Variants in GRM7 observed in about 807,000 individuals in gnomAD.
The protein encoded by GRM7 is glutamate metabotropic receptor 7.
In GRM7, 35 loss-of-function variants were observed where a neutral mutation model predicts 84.5. The observed-to-expected ratio is 0.41, with a 90% CI of 0.32 to 0.55. GRM7 has a LOEUF of 0.55. Among genes scored for constraint, GRM7 ranks in the 20% least tolerant of loss-of-function variants. The pLI, the probability that GRM7 is intolerant of heterozygous loss-of-function variation, is 0.19. For missense variants in GRM7, 1,003 were observed against 1,194.6 expected, an observed-to-expected ratio of 0.84 and a Z score of 2.36; for synonymous variants, 487 against 455.1, an observed-to-expected ratio of 1.07 and a Z score of -0.89.
intron 1 of GRM7, among the ~76,000 whole-genome samples, chr3:7,035,725 C>T (rs1009079409): frequency 6.6e-6 from 1 of 152,100 alleles, no homozygotes; most frequent in Non-Finnish European, 1.5e-5. Flanking sequence ...GCATGTTTAG[C>T]CCAGCTAAGA....
chr3:7,139,589 T>A (rs1396383710), intron 1 of GRM7, among the ~76,000 whole-genome samples: 1 of 151,984 alleles, frequency 6.6e-6, no homozygotes, highest in Non-Finnish European at 1.5e-5. Flanking sequence ...ATGGAATACC[T>A]TATAATAAAT....
intron 1 of GRM7, among the ~76,000 whole-genome samples, chr3:7,093,036 T>A (rs566403177): frequency 6.6e-6 from 1 of 152,070 alleles, no homozygotes; most frequent in African/African-American, 2.4e-5. Flanking sequence ...TGAGCCATGA[T>A]TGGGTAACAG....
chr3:7,585,760 A>G (rs1358767830), intron 8 of GRM7, among the ~76,000 whole-genome samples: 4 of 152,196 alleles, frequency 2.6e-5, no homozygotes, highest in African/African-American at 7.2e-5. Context: ...AAACTGACAC[A>G]TCTCTGTTCC....
At position 7,041,575 on chromosome 3, in the gene GRM7, C is replaced by A. The variant is rs535733529; in HGVS notation, c.520-104877C>A. On this transcript the variant is annotated intron_variant, in intron 1 of 9. Transcript: ENST00000357716. ...TATATTTCTACTATTACAAGTGAAG[C>A]TGTTATAAATATTTATGTCCAGGTC... Among the ~76,000 whole-genome samples the A allele has an allele frequency of 2.6e-5, 4 of 152,302 alleles. No individual in the cohort carries two copies. In the South Asian group the frequency reaches 8.3e-4, roughly 32 times the overall value.
chr3:7,060,390 G>A (rs955731956), intron 1 of GRM7, among the ~76,000 whole-genome samples: 1 of 151,710 alleles, frequency 6.6e-6, no homozygotes, highest in African/African-American at 2.4e-5. Context: ...TGACTGAGTA[G>A]GGGCAGAAAT....
At chr3:7,444,635 G>A (rs1697428161) in intron 5 of GRM7, among the ~76,000 whole-genome samples, 1 of 152,112 alleles carries the variant, frequency 6.6e-6, no homozygotes, top group South Asian at 2.1e-4. Context: ...TAAACATTGA[G>A]ACTGAAACAT....
intron 1 of GRM7, among the ~76,000 whole-genome samples, chr3:6,882,166 G>C (rs1695537430): frequency 6.6e-6 from 1 of 151,862 alleles, no homozygotes; most frequent in African/African-American, 2.4e-5. Context: ...GACCCTAACA[G>C]TTTTACTCTG....
intron 1 of GRM7, among the ~76,000 whole-genome samples, chr3:7,035,484 C>G (rs545416957): frequency 1.3e-5 from 2 of 152,124 alleles, no homozygotes; most frequent in African/African-American, 2.4e-5. Flanking sequence ...AATACTATTT[C>G]AAGGCCTATA....
intron 7 of GRM7, among the ~76,000 whole-genome samples, chr3:7,538,808 T>G (rs1458428637): frequency 6.6e-6 from 1 of 151,910 alleles, no homozygotes; most frequent in African/African-American, 2.4e-5. Flanking sequence ...TCATGGATCT[T>G]GTTATTTCTG....
intron 1 of GRM7, among the ~76,000 whole-genome samples, chr3:7,098,988 A>T (rs947565284): frequency 2.0e-5 from 3 of 151,744 alleles, no homozygotes; most frequent in African/African-American, 7.3e-5. Context: ...GTACTTATGA[A>T]GTTTTAGCAT....
chr3:7,326,969 T>G (rs1480788476), intron 4 of GRM7, among the ~76,000 whole-genome samples: 1 of 152,222 alleles, frequency 6.6e-6, no homozygotes, highest in Non-Finnish European at 1.5e-5. Context: ...TAAATATTTG[T>G]TTAATATCTG....
intron 1 of GRM7, among the ~76,000 whole-genome samples, chr3:6,987,883 CAGA>C: frequency 6.6e-6 from 1 of 152,026 alleles, no homozygotes; most frequent in East Asian, 1.9e-4. Context: ...GAGGCCATTC[CAGA>C]AGAAGAGCAA....
intron 2 of GRM7, among the ~76,000 whole-genome samples, chr3:7,294,679 C>T (rs1208794381): frequency 6.6e-6 from 1 of 152,072 alleles, no homozygotes; most frequent in African/African-American, 2.4e-5. Flanking sequence ...AAAATCTGAC[C>T]ACCTGCAGCA....
At chr3:6,975,205 C>T (rs771821456) in intron 1 of GRM7, among the ~76,000 whole-genome samples, 4 of 152,024 alleles carry the variant, frequency 2.6e-5, no homozygotes, top group African/African-American at 4.8e-5. Context: ...TAAAAATTCC[C>T]AATCGGATAA....
chr3:7,277,795 A>C (rs1459998490), intron 2 of GRM7, among the ~76,000 whole-genome samples: 1 of 152,152 alleles, frequency 6.6e-6, no homozygotes. Context: ...GTGAAGACAA[A>C]GGAAAAATAA....
chr3:7,083,406 A>G (rs1158544407), intron 1 of GRM7, among the ~76,000 whole-genome samples: 1 of 152,150 alleles, frequency 6.6e-6, no homozygotes, highest in Non-Finnish European at 1.5e-5. Flanking sequence ...TACAGTGTGA[A>G]CACAATTTTC....
chr3:7,421,503 G>A (rs1214683471), intron 5 of GRM7, among the ~76,000 whole-genome samples: 1 of 152,022 alleles, frequency 6.6e-6, no homozygotes, highest in African/African-American at 2.4e-5. Flanking sequence ...TATCCCACAT[G>A]GTCCACAGGC....
At chr3:7,479,024 T>TG (rs1699032671) in intron 7 of GRM7, among the ~76,000 whole-genome samples, 2 of 149,636 alleles carry the variant, frequency 1.3e-5, no homozygotes, top group South Asian at 4.2e-4. Flanking sequence ...AAGTCCGGCT[T>TG]GGAAGTCTCT....
chr3:7,405,834 A>G (rs1695651606), intron 4 of GRM7, among the ~76,000 whole-genome samples: 1 of 152,090 alleles, frequency 6.6e-6, no homozygotes, highest in African/African-American at 2.4e-5. Flanking sequence ...CTCATCATCT[A>G]TTCATCACAT....
Sources: gnomAD v4.1 joint callset for allele counts (sites outside exome capture counted in the v4.1 genomes callset) on GRCh38, gnomAD v4.1.1 for gene constraint, MANE v1.5 for transcripts, NCBI Gene and HGNC (gene_info 2026-07-23, HGNC 2026-07-21) for gene names.